The following CNTLN variants were observed in gnomAD, a reference collection of about 807,000 sequenced individuals.
CNTLN encodes centlein, also known as centlein, centrosomal protein.
A neutral mutation model predicts 180.0 loss-of-function variants in CNTLN; 212 were observed. The ratio of observed to expected loss-of-function variants is 1.18; its 90% confidence interval spans 1.05 to 1.32. The LOEUF is 1.32. Ranked by LOEUF, CNTLN falls within the 40% of genes most tolerant of loss-of-function variation. The probability of loss-of-function intolerance (pLI) is 0.00; values close to 1 mark genes in which losing one functional copy is unlikely to be tolerated. For missense variants in CNTLN, 2,095 were observed against 1,610.9 expected (o/e 1.30, Z -5.14); for synonymous variants, 722 against 563.1 (o/e 1.28, Z -3.99).
chr9:17,188,200 T>C (rs1294382733), intron 2 of CNTLN, among the ~76,000 whole-genome samples: 1 of 152,012 alleles, frequency 6.6e-6, no homozygotes, highest in African/African-American at 2.4e-5. Flanking sequence ...TTCTGAAGGA[T>C]TATTTCTATA....
At chr9:17,159,481 A>C (rs1486931389) in intron 2 of CNTLN, among the ~76,000 whole-genome samples, 1 of 152,190 alleles carries the variant, frequency 6.6e-6, no homozygotes. Context: ...ACACCCGTGC[A>C]TCACAAGCTG....
intron 6 of CNTLN, among the ~76,000 whole-genome samples, chr9:17,281,187 C>G (rs543233082): frequency 1.3e-5 from 2 of 152,146 alleles, no homozygotes; most frequent in African/African-American, 2.4e-5. Context: ...GAGAGGTATA[C>G]TCTTCCTCTA....
At chr9:17,137,934 A>G (rs1445151734) in intron 1 of CNTLN, among the ~76,000 whole-genome samples, 2 of 152,220 alleles carry the variant, frequency 1.3e-5, no homozygotes, top group African/African-American at 4.8e-5. Flanking sequence ...CTGATTAGCA[A>G]CTGAACTATA....
At chr9:17,276,035 T>C (rs148879575) in intron 6 of CNTLN, among the ~76,000 whole-genome samples, 1 of 152,082 alleles carries the variant, frequency 6.6e-6, no homozygotes, top group Admixed American at 6.6e-5. Flanking sequence ...TTGGATACTA[T>C]ATTTACCACC....
chr9:17,427,862 C>T (rs1445568865), intron 18 of CNTLN, among the ~76,000 whole-genome samples: 1 of 152,132 alleles, frequency 6.6e-6, no homozygotes, highest in Non-Finnish European at 1.5e-5. Flanking sequence ...TAAGATCATT[C>T]TTTCATTCAT....
chr9:17,275,844 C>G (rs1022673508), intron 6 of CNTLN, among the ~76,000 whole-genome samples: 7 of 152,110 alleles, frequency 4.6e-5, no homozygotes, highest in African/African-American at 1.4e-4. Context: ...TTATAAGGAC[C>G]TATAGAGGCA....
At chr9:17,376,318 ATACT>A (rs1475678371) in intron 13 of CNTLN, among the ~76,000 whole-genome samples, 6 of 152,318 alleles carry the variant, frequency 3.9e-5, no homozygotes, top group Middle Eastern at 3.4e-3. Context: ...AAAATTATAC[ATACT>A]TACATTCGAG....
chr9:17,395,167 T>C, intron 15 of CNTLN, 98 bp downstream of exon 15: 1 of 1,456,480 alleles, frequency 6.9e-7, no homozygotes, highest in African/African-American at 1.4e-5. Flanking sequence ...CGATTTGGTA[T>C]TCAGAAAAAA....
At chr9:17,351,476 C>A (rs2133294157) in intron 12 of CNTLN, among the ~76,000 whole-genome samples, 1 of 152,272 alleles carries the variant, frequency 6.6e-6, no homozygotes, top group South Asian at 2.1e-4. Context: ...TATTCCCGTC[C>A]ATTATTCTAA....
chr9:17,158,258 G>T (rs1176956127), intron 2 of CNTLN, among the ~76,000 whole-genome samples: 1 of 152,018 alleles, frequency 6.6e-6, no homozygotes, highest in African/African-American at 2.4e-5. Flanking sequence ...CTTGGTCATG[G>T]TATATAATTT....
intron 2 of CNTLN, among the ~76,000 whole-genome samples, chr9:17,190,305 G>A (rs535441308): frequency 8.8e-4 from 134 of 151,744 alleles, no homozygotes; most frequent in African/African-American, 3.0e-3. Context: ...GGATAAATCA[G>A]GTTCCTGTTA....
intron 2 of CNTLN, among the ~76,000 whole-genome samples, chr9:17,207,756 G>T (rs1242438481): frequency 1.3e-5 from 2 of 151,978 alleles, no homozygotes; most frequent in African/African-American, 4.8e-5. Context: ...GGTCTCGCTG[G>T]GAGCTGCAGA....
At chr9:17,463,429 G>C (rs891800353) in intron 20 of CNTLN, among the ~76,000 whole-genome samples, 1 of 151,522 alleles carries the variant, frequency 6.6e-6, no homozygotes, top group East Asian at 1.9e-4. Context: ...GGTTATGGAA[G>C]TTTGTACTCT....
At chr9:17,494,208 C>T (rs935288416) in intron 25 of CNTLN, among the ~76,000 whole-genome samples, 3 of 152,140 alleles carry the variant, frequency 2.0e-5, no homozygotes, top group South Asian at 2.1e-4. Context: ...AAAAGCATAT[C>T]TGTTTGCTAG....
intron 6 of CNTLN, among the ~76,000 whole-genome samples, chr9:17,290,388 T>C (rs1327666785): frequency 6.7e-6 from 1 of 149,516 alleles, no homozygotes; most frequent in Non-Finnish European, 1.5e-5. Context: ...AGCTGCGTGC[T>C]GGGAGAACCA....
At chr9:17,409,972 A>C (rs928646892) in intron 16 of CNTLN, among the ~76,000 whole-genome samples, 1 of 152,140 alleles carries the variant, frequency 6.6e-6, no homozygotes, top group Non-Finnish European at 1.5e-5. Flanking sequence ...TCAGTGAAAA[A>C]TTAAGGAAAG....
At chr9:17,181,603 G>C (rs1464132833) in intron 2 of CNTLN, among the ~76,000 whole-genome samples, 2 of 152,158 alleles carry the variant, frequency 1.3e-5, no homozygotes, top group Non-Finnish European at 2.9e-5. Context: ...ATTGAATCTG[G>C]ATGCTTTGGG....
chr9:17,135,431 G>T lies in CNTLN; in HGVS notation c.360+6G>T, dbSNP rs753253356. The stretch of plus-strand genomic sequence containing the variant: ...AGGAGTTGGCCCTGTGTCAGGTATC[G>T]AGGAGTCTCGCAGTCCCCCTTTCCC... On this transcript the variant is annotated splice_donor_region_variant and intron_variant, in intron 1 of 25. Transcript: ENST00000380647. The T allele has an allele frequency of 1.3e-6, 2 of 1,591,204 alleles. No homozygotes were observed. The highest frequency in any genetic ancestry group is 1.1e-5 in the South Asian group (1 of 87,014).
the CNTLN span, among the ~76,000 whole-genome samples, chr9:17,510,751 G>T: frequency 1.3e-5 from 2 of 152,194 alleles, no homozygotes; most frequent in Non-Finnish European, 2.9e-5. Context: ...GAATAAATCT[G>T]TCTGTTTCCC....
Sources: gnomAD v4.1 joint callset for allele counts (sites outside exome capture counted in the v4.1 genomes callset) on GRCh38, gnomAD v4.1.1 for gene constraint, MANE v1.5 for transcripts, NCBI Gene and HGNC (gene_info 2026-07-23, HGNC 2026-07-21) for gene names.